Variants in ATG7 observed in about 807,000 individuals in gnomAD.
ATG7 encodes the protein ubiquitin-like modifier-activating enzyme ATG7.
Under a neutral mutation model 82.4 loss-of-function variants are expected in ATG7, and 70 were observed. That is an observed-to-expected ratio of 0.85 (90% CI 0.70 to 1.04). ATG7 has a LOEUF of 1.04. ATG7 is among the 50% of genes least tolerant of loss of function. ATG7 has a pLI of 0.00. For synonymous variants in ATG7, 287 were observed against 313.0 expected, an observed-to-expected ratio of 0.92 and a Z score of 0.88; for missense variants, 792 against 864.3, an observed-to-expected ratio of 0.92 and a Z score of 1.05.
chr3:11,394,526 G>T (rs558407556), intron 19 of ATG7, among the ~76,000 whole-genome samples: 1 of 152,290 alleles, frequency 6.6e-6, no homozygotes, highest in African/African-American at 2.4e-5. Context: ...GAAGTTGAGA[G>T]CGTGAGCCAC....
At chr3:11,523,035 C>T (rs1048050860) in intron 20 of ATG7, among the ~76,000 whole-genome samples, 1 of 152,082 alleles carries the variant, frequency 6.6e-6, no homozygotes, top group Non-Finnish European at 1.5e-5. Context: ...GATGAAATAG[C>T]CTGTACTTTA....
At chr3:11,566,470 C>G in the ATG7 span, among the ~76,000 whole-genome samples, 8 of 152,206 alleles carry the variant, frequency 5.3e-5, no homozygotes, top group Admixed American at 4.6e-4. Flanking sequence ...TAAGGCAAAT[C>G]CAACCACATC....
chr3:11,294,668 C>T (rs1945564765), intron 3 of ATG7, among the ~76,000 whole-genome samples: 1 of 152,146 alleles, frequency 6.6e-6, no homozygotes, highest in African/African-American at 2.4e-5. Context: ...TGCCAGTGAC[C>T]TAGGCTTCAA....
chr3:11,340,860 T>C, intron 12 of ATG7, 125 bp downstream of exon 12: 1 of 731,050 alleles, frequency 1.4e-6, no homozygotes, highest in Non-Finnish European at 2.3e-6. Context: ...TGCCGTGTGT[T>C]ACTCTGCTCT....
chr3:11,538,385 C>A (rs2070505864), intron 20 of ATG7, among the ~76,000 whole-genome samples: 1 of 152,060 alleles, frequency 6.6e-6, no homozygotes, highest in East Asian at 1.9e-4. Context: ...AAATGAGAAC[C>A]CAGGACATGG....
intron 19 of ATG7, among the ~76,000 whole-genome samples, chr3:11,396,814 T>A (rs1338830788): frequency 2.8e-5 from 3 of 108,108 alleles, no homozygotes; most frequent in South Asian, 3.0e-4. Flanking sequence ...AAAAGAAAAG[T>A]ATTAAAACTT....
Position 11,503,962 on chromosome 3 carries a change from G to A in ATG7, c.2080-50849G>A, listed in dbSNP as rs569519661. ...GCAATATTCAAATAATAGAGTTTGC[G>A]GAAAGGAAAACATAGAAAACAGGCC... is the stretch of plus-strand genomic sequence containing the variant. On this transcript the variant is annotated intron_variant, in intron 20 of 20. Transcript: ENST00000693202. Among the ~76,000 whole-genome samples the A allele has an allele frequency of 1.1e-3, 167 of 151,962 alleles. 1 individual carries two copies. The highest frequency in any genetic ancestry group is 3.4e-3 in the Middle Eastern group (1 of 294).
At chr3:11,330,814 C>G (rs1951537514) in intron 9 of ATG7, among the ~76,000 whole-genome samples, 1 of 152,062 alleles carries the variant, frequency 6.6e-6, no homozygotes, top group South Asian at 2.1e-4. Context: ...GTAGAGTTTT[C>G]CAGATGAAGA....
At chr3:11,560,333 G>GA (rs1008064557), downstream of ATG7, among the ~76,000 whole-genome samples, 3 of 152,202 alleles carry the variant, frequency 2.0e-5, no homozygotes, top group African/African-American at 7.2e-5. Flanking sequence ...GTTCCCCCAG[G>GA]AAAAGTATCT....
At chr3:11,323,580 T>C (rs1950483874) in intron 9 of ATG7, among the ~76,000 whole-genome samples, 1 of 152,232 alleles carries the variant, frequency 6.6e-6, no homozygotes, top group African/African-American at 2.4e-5. Flanking sequence ...CCATTACCAA[T>C]CTTTTGGGGA....
At chr3:11,367,165 T>A (rs1480020810) in intron 18 of ATG7, among the ~76,000 whole-genome samples, 1 of 151,994 alleles carries the variant, frequency 6.6e-6, no homozygotes, top group Non-Finnish European at 1.5e-5. Flanking sequence ...GTGGAGTGAG[T>A]CCATTTATGC....
In ATG7 at chr3:11,557,657, TGAAAA is replaced by T. The variant is rs1415925031; in HGVS notation, c.*2818_*2822del. 4 of 152,782 alleles carry T rather than the reference TGAAAA, an allele frequency of 2.6e-5. No individual in the cohort carries two copies. The highest frequency in any genetic ancestry group is 9.6e-5 in the African/African-American group (4 of 41,454). The allele number at this position is 152,782 out of a possible 1,614,324, so 9.5% of individuals were successfully genotyped here. On this transcript the variant is annotated 3_prime_UTR_variant, in exon 21 of 21. Coordinates refer to ENST00000693202, the MANE Select transcript of ATG7 (RefSeq NM_001349232.2). Reference sequence around the variant, plus strand: ...GTAACTGACAAAAATAAACTAATTCTGAAAAGAAGATAGTAAGTATTAAGGTTTTT... The same window carrying T: ...GTAACTGACAAAAATAAACTAATTCTGAAGATAGTAAGTATTAAGGTTTTT...
At chr3:11,364,789 G>C in intron 18 of ATG7, 55 bp downstream of exon 18, 1 of 1,587,598 alleles carries the variant, frequency 6.3e-7, no homozygotes, top group East Asian at 2.2e-5. Flanking sequence ...GAAAGCATGT[G>C]GGGTCTCTTT....
chr3:11,487,033 A>C (rs1288584153), intron 20 of ATG7, among the ~76,000 whole-genome samples: 1 of 150,310 alleles, frequency 6.7e-6, no homozygotes, highest in Non-Finnish European at 1.5e-5. Context: ...ATTGGTGATG[A>C]CTCTTAACGA....
chr3:11,510,200 A>G lies in ATG7; in HGVS notation c.2080-44611A>G, dbSNP rs990321706. 3 of 456,440 alleles carry G rather than the reference A, an allele frequency of 6.6e-6. No homozygotes were observed. The Admixed American group carries it at 7.1e-5, about 11-fold the overall frequency. The allele number at this position is 456,440 out of a possible 1,614,324, so 28.3% of individuals were successfully genotyped here. A position where few individuals can be genotyped will look rare whatever the true frequency, so the allele number is the denominator to read the frequency against. Reference sequence around the variant, plus strand: ...CCCCTTTCAGGATCATCTTTCTTTCATCCGGCCCAAGAATGGCACCTTCCC... The same window carrying G: ...CCCCTTTCAGGATCATCTTTCTTTCGTCCGGCCCAAGAATGGCACCTTCCC... On this transcript the variant is annotated intron_variant, in intron 20 of 20. Transcript: ENST00000693202.
At chr3:11,565,059 A>G in the ATG7 span, 1 of 1,456,206 alleles carries the variant, frequency 6.9e-7, no homozygotes, top group Non-Finnish European at 9.1e-7. This position sits in a 1 kb window ranked among gnomAD's most constrained non-coding sequence, Gnocchi z 4.1. Context: ...CGTTTTCTCA[A>G]AGGCAAAGGG....
chr3:11,280,750 T>C (rs1278217114), intron 1 of ATG7, among the ~76,000 whole-genome samples: 1 of 152,242 alleles, frequency 6.6e-6, no homozygotes, highest in African/African-American at 2.4e-5. Context: ...CTTTATTGAA[T>C]ATGTTTATTT....
At chr3:11,472,984 A>T (rs1019556954) in intron 20 of ATG7, among the ~76,000 whole-genome samples, 2 of 152,152 alleles carry the variant, frequency 1.3e-5, no homozygotes, top group Non-Finnish European at 2.9e-5. Context: ...TCAGGAGCAT[A>T]CTTTCCTTTC....
At chr3:11,395,969 A>AGGGGG (rs1559533680) in intron 19 of ATG7, among the ~76,000 whole-genome samples, 1 of 89,330 alleles carries the variant, frequency 1.1e-5, no homozygotes, top group African/African-American at 4.5e-5. Context: ...AAAAAAAGGT[A>AGGGGG]GGGGGGGAAG....
Sources: gnomAD v4.1 joint callset for allele counts (sites outside exome capture counted in the v4.1 genomes callset) on GRCh38, gnomAD v4.1.1 for gene constraint, Gnocchi (gnomAD v3.1) non-coding constraint, MANE v1.5 for transcripts, NCBI Gene and HGNC (gene_info 2026-07-23, HGNC 2026-07-21) for gene names.